Variants in PCDH11X observed in about 807,000 individuals in gnomAD.
The protein encoded by PCDH11X is protocadherin-11 X-linked.
A neutral mutation model predicts 53.3 loss-of-function variants in PCDH11X; 18 were observed. The observed-to-expected ratio is 0.34, with a 90% CI of 0.23 to 0.50. PCDH11X has a LOEUF of 0.50. PCDH11X is among the 20% of genes least tolerant of loss of function. The pLI, the probability that PCDH11X is intolerant of heterozygous loss-of-function variation, is 0.98. For missense variants in PCDH11X, 570 were observed against 1,032.4 expected (o/e 0.55, Z 6.14); for synonymous variants, 279 against 393.3 (o/e 0.71, Z 3.44).
chrX:92,122,901 C>T (rs1283755320), intron 6 of PCDH11X, among the ~76,000 whole-genome samples: 1 of 111,206 alleles, frequency 9.0e-6, no homozygotes, highest in African/African-American at 3.3e-5. Context: ...CATGCCACTG[C>T]ACTCCAGCCT....
intron 8 of PCDH11X, among the ~76,000 whole-genome samples, chrX:92,384,864 C>G (rs1040045826): frequency 2.0e-5 from 2 of 98,900 alleles, no homozygotes; most frequent in African/African-American, 7.4e-5. Flanking sequence ...GTTAATCTTA[C>G]AAAGGCAATC....
chrX:92,517,922 T>C (rs1182013783), intron 10 of PCDH11X, among the ~76,000 whole-genome samples: 3 of 110,851 alleles, frequency 2.7e-5, no homozygotes, highest in African/African-American at 9.8e-5. Flanking sequence ...CTGTAATTGT[T>C]GACTTCTGTG....
chrX:92,127,712 G>T (rs1271416563), intron 6 of PCDH11X, among the ~76,000 whole-genome samples: 1 of 109,163 alleles, frequency 9.2e-6, no homozygotes, highest in Admixed American at 1.0e-4. Flanking sequence ...CAGTAGAGAC[G>T]GGGTTTCACC....
At chrX:92,476,924 CAA>C (rs766830064) in intron 10 of PCDH11X, among the ~76,000 whole-genome samples, 8,420 of 18,254 alleles carry the variant, frequency 0.46, 2,813 homozygotes, top group Non-Finnish European at 0.5. Context: ...TACTTTCTTC[CAA>C]AAAAAAAAAA....
In PCDH11X at chrX:92,598,332, A is replaced by T. The variant is rs192128582; in HGVS notation, c.3368-19932A>T. On this transcript the variant is annotated intron_variant, in intron 10 of 10. Coordinates refer to ENST00000682573, the MANE Select transcript of PCDH11X (RefSeq NM_032968.5). ...AGAACATTTAAGGAGCTCAGCTCAA[A>T]CAACTGTATTAAAAAAAAGAAAAAA... Among the ~76,000 whole-genome samples the T allele has an allele frequency of 4.8e-5, 5 of 103,467 alleles. No homozygotes were observed. In the East Asian group the frequency reaches 1.5e-3, roughly 31 times the overall value. 89.8% of individuals were successfully genotyped at this position (103,467 alleles called of 115,157 possible).
chrX:92,159,921 CAA>C (rs200332444), intron 6 of PCDH11X, among the ~76,000 whole-genome samples: 1 of 91,926 alleles, frequency 1.1e-5, no homozygotes, highest in Admixed American at 1.3e-4. Context: ...CTCCTGTTTT[CAA>C]AAAAAAAAGA....
At position 92,144,641 on chromosome X, in the gene PCDH11X, C is replaced by T. The variant is rs1476159229; in HGVS notation, c.3034-56734C>T. Reference sequence around the variant, plus strand: ...TTGGTTATGTCTTTATCACCCAATACTTAACTTTCAGGTTTGCCTCCTCCT... The same window carrying T: ...TTGGTTATGTCTTTATCACCCAATATTTAACTTTCAGGTTTGCCTCCTCCT... On this transcript the variant is annotated intron_variant, in intron 6 of 10. Coordinates refer to ENST00000682573, the MANE Select transcript of PCDH11X (RefSeq NM_032968.5). Among the ~76,000 whole-genome samples, 21 of 111,228 alleles carry T rather than the reference C, an allele frequency of 1.9e-4. No homozygotes were observed. In the Admixed American group the frequency reaches 1.9e-3, roughly 10 times the overall value.
At chrX:92,518,596 T>A (rs2148713613) in intron 10 of PCDH11X, among the ~76,000 whole-genome samples, 1 of 110,784 alleles carries the variant, frequency 9.0e-6, no homozygotes, top group Admixed American at 9.7e-5. Context: ...TCCTCTTTCC[T>A]CAACCTTACA....
intron 9 of PCDH11X, among the ~76,000 whole-genome samples, chrX:92,412,793 C>G (rs1455702013): frequency 9.4e-6 from 1 of 106,779 alleles, no homozygotes; most frequent in Non-Finnish European, 1.9e-5. Context: ...CTCTCTGTCT[C>G]TGTGTGTGTG....
intron 1 of PCDH11X, among the ~76,000 whole-genome samples, chrX:91,792,514 G>T (rs1352216316): frequency 9.0e-6 from 1 of 110,626 alleles, no homozygotes; most frequent in Non-Finnish European, 1.9e-5. Context: ...GGCAGTGAAG[G>T]TTGAGCAATA....
intron 6 of PCDH11X, among the ~76,000 whole-genome samples, chrX:92,124,898 A>G (rs2064834220): frequency 9.0e-6 from 1 of 111,058 alleles, no homozygotes; most frequent in Admixed American, 9.7e-5. Flanking sequence ...TGTGAGCTCC[A>G]TGTGGGTTAG....
chrX:92,399,759 T>TTTA (rs2071340783), intron 9 of PCDH11X, among the ~76,000 whole-genome samples: 2 of 97,591 alleles, frequency 2.0e-5, no homozygotes, highest in Admixed American at 1.3e-4. Flanking sequence ...TTATTTATTT[T>TTTA]GAAACGGAGT....
intron 6 of PCDH11X, among the ~76,000 whole-genome samples, chrX:92,147,297 C>T (rs1465156419): frequency 9.2e-6 from 1 of 108,388 alleles, no homozygotes; most frequent in East Asian, 2.9e-4. Context: ...TATTTGATCA[C>T]AATCTCTAAT....
intron 6 of PCDH11X, among the ~76,000 whole-genome samples, chrX:92,177,179 T>C (rs2065923436): frequency 9.1e-6 from 1 of 110,018 alleles, no homozygotes; most frequent in Non-Finnish European, 1.9e-5. Context: ...GGTATTGCCA[T>C]GCTGGACAGG....
At chrX:92,369,829 T>C (rs1301148019) in intron 8 of PCDH11X, among the ~76,000 whole-genome samples, 1 of 110,051 alleles carries the variant, frequency 9.1e-6, no homozygotes, top group Non-Finnish European at 1.9e-5. Flanking sequence ...GGGTTGGACT[T>C]ACTGCCTAAC....
intron 6 of PCDH11X, among the ~76,000 whole-genome samples, chrX:92,076,038 G>T (rs1355422272): frequency 1.8e-5 from 2 of 110,486 alleles, no homozygotes; most frequent in Non-Finnish European, 3.8e-5. Context: ...TGAAGGTATA[G>T]TAAGACTTCG....
intron 6 of PCDH11X, among the ~76,000 whole-genome samples, chrX:92,124,010 C>T (rs1401047277): frequency 9.0e-6 from 1 of 111,092 alleles, no homozygotes; most frequent in African/African-American, 3.3e-5. Flanking sequence ...TTTGCCCTTG[C>T]TCTGTTTTCT....
At chrX:92,000,331 G>C (rs1040766475) in intron 6 of PCDH11X, among the ~76,000 whole-genome samples, 1 of 111,262 alleles carries the variant, frequency 9.0e-6, no homozygotes, top group African/African-American at 3.3e-5. Context: ...GTTAACCGAA[G>C]TATTACAGCA....
chrX:92,200,571 T>C (rs1004865476), intron 6 of PCDH11X, among the ~76,000 whole-genome samples: 1 of 112,533 alleles, frequency 8.9e-6, no homozygotes, highest in Non-Finnish European at 1.9e-5. Context: ...CTTACATAAG[T>C]AACAACTGAA....
Sources: allele counts gnomAD v4.1 joint callset (sites outside exome capture counted in the v4.1 genomes callset), GRCh38; gene constraint gnomAD v4.1.1; transcripts MANE v1.5; gene names NCBI Gene and HGNC (gene_info 2026-07-23, HGNC 2026-07-21).